SH2D3A: variants seen among roughly 807,000 people sequenced by gnomAD.
SH2D3A encodes SH2 domain-containing protein 3A.
In SH2D3A, 46 loss-of-function variants were observed where a neutral mutation model predicts 50.6. The observed-to-expected ratio is 0.91, with a 90% CI of 0.72 to 1.16. The LOEUF (loss-of-function observed/expected upper bound fraction) is 1.16, where lower values mean the gene tolerates loss of function less well. Among genes scored for constraint, SH2D3A ranks in the 50% most tolerant of loss-of-function variants. The pLI, the probability that SH2D3A is intolerant of heterozygous loss-of-function variation, is 0.00. For synonymous variants in SH2D3A, 377 were observed against 348.4 expected (o/e 1.08, Z -0.91); for missense variants, 783 against 786.2 (o/e 1.00, Z 0.05).
Position 6,754,813 on chromosome 19 carries a change from T to C in SH2D3A, c.981+18A>G, listed in dbSNP as rs564798708. On this transcript the variant is annotated intron_variant, in intron 5 of 9. Transcript: ENST00000245908. ...CTTGCCCTGGGCCTGGGGAGGAGCA[T>C]CCCAGGAGGTGACCCACCTGGCAGT... is the stretch of plus-strand genomic sequence containing the variant. The C allele has an allele frequency of 2.4e-4, 387 of 1,609,508 alleles. 4 individuals are homozygous for C. In the South Asian group the frequency reaches 3.9e-3, roughly 16 times the overall value.
rs753875111 is a variant in SH2D3A, at chr19:6,754,953, AG to A, written c.858del (p.Ser287ProfsTer38). The A allele has an allele frequency of 1.2e-6, 2 of 1,613,784 alleles. No homozygotes were observed. The highest frequency in any genetic ancestry group is 2.2e-5 in the East Asian group (1 of 44,868). On this transcript the variant is annotated frameshift_variant, in exon 5 of 10. Coordinates refer to ENST00000245908, the MANE Select transcript of SH2D3A (RefSeq NM_005490.3). LOFTEE classifies it high-confidence loss of function. ...AEISFCPHDAPSCLLGPQNRP... is the reference protein window; with the variant it reads ...AEISFCPHDAXSCLLGPQNRP... The stretch of plus-strand genomic sequence containing the variant: ...CGATTCTGGGGGCCCAGCAGGCAGG[AG>A]GGGGCATCATGGGGGCAGAAAGAGA...
intron 2 of SH2D3A, among the ~76,000 whole-genome samples, chr19:6,762,140 CTT>C (rs1970060346): frequency 6.6e-6 from 1 of 151,960 alleles, no homozygotes; most frequent in Non-Finnish European, 1.5e-5. Flanking sequence ...GGTGTTAACT[CTT>C]GTAATTCCTG....
At chr19:6,753,685 G>T (rs1047687888) in intron 8 of SH2D3A, 44 bp from the exon 9 acceptor site, 1 of 1,475,374 alleles carries the variant, frequency 6.8e-7, no homozygotes, top group Admixed American at 2.3e-5. Context: ...GCTGTAGATG[G>T]GGCATAGGGC....
At chr19:6,765,285 T>G (rs982862866) in intron 1 of SH2D3A, among the ~76,000 whole-genome samples, 37 of 152,150 alleles carry the variant, frequency 2.4e-4, no homozygotes, top group African/African-American at 7.7e-4. Context: ...TCTCATTGAG[T>G]AAAGTCTGGA....
At position 6,759,629 on chromosome 19, in the gene SH2D3A, T is replaced by C; in HGVS notation, c.461A>G (p.His154Arg). Residue 154 changes from histidine (H) to arginine (R), a missense_variant, in exon 4 of 10, where the codon CAT becomes CGT. Physicochemically the swap from His to Arg is conservative, Grantham distance 29. Coordinates refer to ENST00000245908, the MANE Select transcript of SH2D3A (RefSeq NM_005490.3). ...GGGGTCTTCTCTTGACCGCCCCATA[T>C]GTGCCAAATCTGCAGGCTGACTGTT... Reference protein sequence around the residue: ...WSNSQPADLAHMGRSREDPAG... With the variant: ...WSNSQPADLARMGRSREDPAG... 6.2e-7 allele frequency: 1 copy of C among 1,614,014 alleles called. No individual in the cohort carries two copies. The highest frequency in any genetic ancestry group is 8.5e-7 in the Non-Finnish European group (1 of 1,179,934).
chr19:6,760,496 T>G (rs1827477330), intron 3 of SH2D3A, 142 bp downstream of exon 3: 1 of 648,842 alleles, frequency 1.5e-6, no homozygotes, highest in Non-Finnish European at 2.5e-6. Context: ...AGGTGGAGGT[T>G]GCAGTGAGCT....
At position 6,753,914 on chromosome 19, in the gene SH2D3A, C is replaced by T. The variant is rs1969483417; in HGVS notation, c.1384+138G>A. ...GGCCTAGGGAAAGGGCCAGGACCAA[C>T]CCTCATGTGGAGGGCGGGGCCTATG... On this transcript the variant is annotated intron_variant, in intron 8 of 9. Coordinates refer to ENST00000245908, the MANE Select transcript of SH2D3A (RefSeq NM_005490.3). The T allele has an allele frequency of 7.9e-6, 9 of 1,134,400 alleles. No individual in the cohort carries two copies. The South Asian group carries it at 1.4e-4, about 17-fold the overall frequency. 70.3% of individuals were successfully genotyped at this position (1,134,400 alleles called of 1,614,324 possible).
At position 6,752,611 on chromosome 19, in the gene SH2D3A, G is replaced by T; in HGVS notation, c.1713C>A (p.Arg571=). 6.4e-7 allele frequency: 1 copy of T among 1,560,658 alleles called. No homozygotes were observed. Among genetic ancestry groups the T allele is most frequent in the Non-Finnish European group, 8.7e-7 (1 of 1,151,898 alleles). The change falls in exon 10 of 10, where the codon CGC becomes CGA. Residue 571 remains arginine (R), a synonymous_variant. Transcript: ENST00000245908. ...FQRVLGVLSQ[R]LEPDR is the part of the protein sequence containing the mutation. ...TGCGCTCTCAGCGGTCAGGCTCCAGGCGCTGCGACAGGACGCCGAGGACGC... is the reference window on the plus strand; with the variant it reads ...TGCGCTCTCAGCGGTCAGGCTCCAGTCGCTGCGACAGGACGCCGAGGACGC...
intron 1 of SH2D3A, among the ~76,000 whole-genome samples, chr19:6,765,474 G>A (rs1025245721): frequency 1.3e-5 from 2 of 152,060 alleles, no homozygotes; most frequent in South Asian, 2.1e-4. Context: ...GGGGCCAGGC[G>A]CGGTGGCTCA....
At chr19:6,752,997 C>G (rs974112755) in intron 9 of SH2D3A, 3 of 985,118 alleles carry the variant, frequency 3.0e-6, no homozygotes, top group African/African-American at 1.7e-5. Flanking sequence ...TTCCAGGTGC[C>G]AGATCCTGGA....
chr19:6,753,469 G>A lies in SH2D3A; in HGVS notation c.1557C>T (p.Ala519=), dbSNP rs1969445538. 1.3e-6 allele frequency: 2 copies of A among 1,516,966 alleles called. No homozygotes were observed. Among genetic ancestry groups the A allele is most frequent in the Admixed American group, 2.1e-5 (1 of 47,528 alleles). 94.0% of individuals were successfully genotyped at this position (1,516,966 alleles called of 1,614,324 possible). A position where few individuals can be genotyped will look rare whatever the true frequency, so the allele number is the denominator to read the frequency against. Residue 519 remains alanine (A), a synonymous_variant, in exon 9 of 10, where the codon GCC becomes GCT. Transcript: ENST00000245908. ...GGGAACGCTCACCTCGCAGGCGCTG[G>A]GCTGCCACCTTGCGGAATTTGGGTG... is the stretch of plus-strand genomic sequence containing the variant. ...RDAPKFRKVA[A]QRLRGFRPNP...
At chr19:6,757,190 T>G (rs1486820986) in intron 4 of SH2D3A, 3 of 151,878 alleles carry the variant, frequency 2.0e-5, no homozygotes, top group East Asian at 3.9e-4. Flanking sequence ...CTAAGACTTT[T>G]GGGAGACTGT....
At position 6,754,256 on chromosome 19, in the gene SH2D3A, G is replaced by A. The variant is rs934768131; in HGVS notation, c.1267C>T (p.Pro423Ser). 10 of 1,598,154 alleles carry A rather than the reference G, an allele frequency of 6.3e-6. No individual in the cohort carries two copies. Among genetic ancestry groups the A allele is most frequent in the Non-Finnish European group, 8.5e-6 (10 of 1,177,180 alleles). Residue 423 changes from proline (P) to serine (S), a missense_variant, in exon 7 of 10, where the codon CCC becomes TCC. Physicochemically the swap from Pro to Ser is moderately conservative, Grantham distance 74. Coordinates refer to ENST00000245908, the MANE Select transcript of SH2D3A (RefSeq NM_005490.3). ...LAAVMGALLM[P>S]QVSRLEHTWR... ...AGTCCCTGCTCCCCACGAACCTGGG[G>A]CATGAGCAGGGCGCCCATGACTGCA...
chr19:6,761,162 C>T, intron 2 of SH2D3A, 175 bp from the exon 3 acceptor site: 1 of 602,032 alleles, frequency 1.7e-6, no homozygotes, highest in Non-Finnish European at 2.9e-6. Context: ...TCTCCTGGCA[C>T]CTACGTAGAC....
At chr19:6,762,760 C>G (rs553287980) in intron 2 of SH2D3A, among the ~76,000 whole-genome samples, 1 of 148,196 alleles carries the variant, frequency 6.7e-6, no homozygotes, top group East Asian at 2.1e-4. Flanking sequence ...CTCAAGTGAT[C>G]CTCCTGCCTC....
In SH2D3A at chr19:6,753,651, G is replaced by C. The variant is rs568976019; in HGVS notation, c.1385-10C>G. Reference sequence around the variant, plus strand: ...CCGGGGTCGCAGGGTCCTGCGGAGGGGGAGGGTCTGATCAGGGTTTGGGGC... The same window carrying C: ...CCGGGGTCGCAGGGTCCTGCGGAGGCGGAGGGTCTGATCAGGGTTTGGGGC... On this transcript the variant is annotated splice_polypyrimidine_tract_variant and intron_variant, in intron 8 of 9. Transcript: ENST00000245908. 1.3e-6 allele frequency: 2 copies of C among 1,553,970 alleles called. No individual in the cohort carries two copies. The highest frequency in any genetic ancestry group is 1.7e-6 in the Non-Finnish European group (2 of 1,151,474).
Position 6,755,166 on chromosome 19 carries a change from T to G in SH2D3A, c.646A>C (p.Thr216Pro), listed in dbSNP as rs773982969. The G allele has an allele frequency of 2.5e-6, 4 of 1,603,922 alleles. No individual in the cohort carries two copies. The African/African-American group carries it at 4.0e-5, about 16-fold the overall frequency. ...GCATCAGGCAGTTCGAAGGAGGGTGTCCGGGGGGGCTTCGTTGGTGCCTTG... is the reference window on the plus strand; with the variant it reads ...GCATCAGGCAGTTCGAAGGAGGGTGGCCGGGGGGGCTTCGTTGGTGCCTTG... ...QAKAPTKPPR[T>P]PSFELPDASE... The change falls in exon 5 of 10, where the codon ACA (threonine) becomes CCA (proline). Residue 216 changes from threonine (T) to proline (P), a missense_variant. Physicochemically the swap from Thr to Pro is conservative, Grantham distance 38 (BLOSUM62 -1). Coordinates refer to ENST00000245908, the MANE Select transcript of SH2D3A (RefSeq NM_005490.3).
At position 6,763,905 on chromosome 19, in the gene SH2D3A, C is replaced by CTTTTTTTT. The variant is rs1168778786; in HGVS notation, c.-68-97_-68-90dup. On this transcript the variant is annotated intron_variant, in intron 1 of 9. Coordinates refer to ENST00000245908, the MANE Select transcript of SH2D3A (RefSeq NM_005490.3). ...AATTTTGGAGACAGCTCCATCAAAT[C>CTTTTTTTT]TTTTTTTTTTTTTTTTTTTTTTTTT... is the stretch of plus-strand genomic sequence containing the variant. 52 of 108,700 alleles carry CTTTTTTTT rather than the reference C, an allele frequency of 4.8e-4. 1 individual carries two copies. Among genetic ancestry groups the CTTTTTTTT allele is most frequent in the Non-Finnish European group, 6.7e-4 (40 of 59,788 alleles). 6.7% of individuals were successfully genotyped at this position (108,700 alleles called of 1,614,324 possible).
rs111887668 is a variant in SH2D3A at position 6,756,829 on chromosome 19, C to T, written c.497-1514G>A. ...CCTCATTCCCTCTGCTTCAGCTACA[C>T]TCGTGTGTCCCTCCTTCCCTCCCTC... On this transcript the variant is annotated intron_variant, in intron 4 of 9. Coordinates refer to ENST00000245908, the MANE Select transcript of SH2D3A (RefSeq NM_005490.3). 8.2e-3 allele frequency among the ~76,000 whole-genome samples: 1,240 copies of T among 152,136 alleles called. 15 individuals are homozygous for T. Among genetic ancestry groups the T allele is most frequent in the African/African-American group, 0.029 (1,184 of 41,512 alleles).
Sources: gnomAD v4.1 joint callset for allele counts (sites outside exome capture counted in the v4.1 genomes callset) on GRCh38, gnomAD v4.1.1 for gene constraint, MANE v1.5 for transcripts, NCBI Gene and HGNC (gene_info 2026-07-23, HGNC 2026-07-21) for gene names.